The following SFXN2 variants were observed in gnomAD, a reference collection of about 807,000 sequenced individuals.
SFXN2 encodes the protein sideroflexin 2.
SFXN2 carries 37 observed loss-of-function variants against 41.9 expected under a neutral mutation model. The observed-to-expected ratio is 0.88, with a 90% confidence interval of 0.68 to 1.16. SFXN2 has a LOEUF of 1.16. SFXN2 is among the 50% of genes most tolerant of loss of function. The pLI, the probability that SFXN2 is intolerant of heterozygous loss-of-function variation, is 0.00. For missense variants in SFXN2, 386 were observed against 425.2 expected (o/e 0.91, Z 0.81); for synonymous variants, 150 against 156.7 (o/e 0.96, Z 0.32).
At chr10:102,719,363 A>G (rs1418805628) in intron 1 of SFXN2, among the ~76,000 whole-genome samples, 1 of 151,482 alleles carries the variant, frequency 6.6e-6, no homozygotes, top group Non-Finnish European at 1.5e-5. Context: ...CTAGGATGAT[A>G]GGTGCCTGCC....
chr10:102,737,849 T>G lies in SFXN2; in HGVS notation c.*87T>G. The G allele has an allele frequency of 1.1e-6, 1 of 940,500 alleles. No homozygotes were observed. Among genetic ancestry groups the G allele is most frequent in the Admixed American group, 2.2e-5 (1 of 45,874 alleles). The allele number at this position is 940,500 out of a possible 1,614,324, so 58.3% of individuals were successfully genotyped here. Reference sequence around the variant, plus strand: ...GCACACTTGTGTCCTCCTTCCCCTTTGCCAACAAGGCCTGAAGGCCAGGGT... The same window carrying G: ...GCACACTTGTGTCCTCCTTCCCCTTGGCCAACAAGGCCTGAAGGCCAGGGT... On this transcript the variant is annotated 3_prime_UTR_variant, in exon 12 of 12. Transcript: ENST00000369893.
Position 102,739,985 on chromosome 10 carries a change from ACT to A in SFXN2, c.*2226_*2227del, listed in dbSNP as rs1222448677. 6.6e-6 allele frequency: 1 copy of A among 151,676 alleles called. No individual in the cohort carries two copies. The highest frequency in any genetic ancestry group is 1.5e-5 in the Non-Finnish European group (1 of 67,958). 9.4% of individuals were successfully genotyped at this position (151,676 alleles called of 1,614,324 possible). ...GCAGGATCCATTGCCAGATTCTGTC[ACT>A]CTGGGCTGGAGCCTGAGAACGTGCA... On this transcript the variant is annotated 3_prime_UTR_variant, in exon 12 of 12. Coordinates refer to ENST00000369893, the MANE Select transcript of SFXN2 (RefSeq NM_178858.6).
intron 11 of SFXN2, among the ~76,000 whole-genome samples, chr10:102,736,527 C>G (rs1055377758): frequency 5.9e-5 from 9 of 151,776 alleles, no homozygotes; most frequent in Admixed American, 5.9e-4. Flanking sequence ...AACGATTCTC[C>G]TGCCTCAGCC....
At position 102,738,637 on chromosome 10, in the gene SFXN2, C is replaced by T. The variant is rs1590158798; in HGVS notation, c.*875C>T. The T allele has an allele frequency of 6.6e-6, 1 of 152,136 alleles. No homozygotes were observed. The highest frequency in any genetic ancestry group is 1.9e-4 in the East Asian group (1 of 5,196). The allele number at this position is 152,136 out of a possible 1,614,324, so 9.4% of individuals were successfully genotyped here. A position where few individuals can be genotyped will look rare whatever the true frequency, so the allele number is the denominator to read the frequency against. On this transcript the variant is annotated 3_prime_UTR_variant, in exon 12 of 12. Transcript: ENST00000369893. ...GGAGTGCTGCTAACCTTGAAATTATCAGACACTTAGGAGTTATTAGTGCTA... is the reference window on the plus strand; with the variant it reads ...GGAGTGCTGCTAACCTTGAAATTATTAGACACTTAGGAGTTATTAGTGCTA...
Position 102,729,759 on chromosome 10 carries a change from G to A in SFXN2, c.544G>A (p.Ala182Thr), listed in dbSNP as rs1422465516. Residue 182 changes from alanine (A) to threonine (T), a missense_variant, in exon 6 of 12, where the codon GCC becomes ACC. Coordinates refer to ENST00000369893, the MANE Select transcript of SFXN2 (RefSeq NM_178858.6). Reference protein sequence around the residue: ...PPLVGRWVPFAAVAAANCVNI... With the variant: ...PPLVGRWVPFTAVAAANCVNI... ...CTTGGTGGGCCGCTGGGTGCCCTTT[G>A]CCGCTGTGGCTGCGGCTAACTGTGT... is the stretch of plus-strand genomic sequence containing the variant. The A allele has an allele frequency of 1.2e-6, 2 of 1,614,062 alleles. No homozygotes were observed. The highest frequency in any genetic ancestry group is 8.5e-7 in the Non-Finnish European group (1 of 1,180,044).
At chr10:102,736,101 G>C (rs1388298273) in intron 11 of SFXN2, among the ~76,000 whole-genome samples, 192 bp downstream of exon 11, 1 of 152,176 alleles carries the variant, frequency 6.6e-6, no homozygotes, top group Non-Finnish European at 1.5e-5. Flanking sequence ...AGATCTGCGA[G>C]GGGCAGGAGA....
chr10:102,725,857 G>A (rs1009044444), intron 1 of SFXN2, among the ~76,000 whole-genome samples: 3 of 151,888 alleles, frequency 2.0e-5, no homozygotes, highest in African/African-American at 7.3e-5. Flanking sequence ...CTGGGTGAGA[G>A]AATGAGACCC....
Position 102,726,653 on chromosome 10 carries a change from C to T in SFXN2, c.17C>T (p.Ser6Phe), listed in dbSNP as rs879115141. The change falls in exon 2 of 12, where the codon TCT becomes TTT. Residue 6 changes from serine (S) to phenylalanine (F), a missense_variant. By Grantham distance (155) the Ser-to-Phe change is radical. Transcript: ENST00000369893. The part of the protein sequence containing the change: MEADL[S>F]GFNIDAPRWD... ...GTGAGCAAGATGGAGGCTGACCTGTCTGGCTTTAACATCGATGCCCCCCGT... is the reference window on the plus strand; with the variant it reads ...GTGAGCAAGATGGAGGCTGACCTGTTTGGCTTTAACATCGATGCCCCCCGT... The T allele has an allele frequency of 1.9e-6, 3 of 1,614,198 alleles. No individual in the cohort carries two copies. The highest frequency in any genetic ancestry group is 2.7e-5 in the African/African-American group (2 of 75,050).
chr10:102,729,573 T>C (rs2064668380), intron 5 of SFXN2, 150 bp from the exon 6 acceptor site: 2 of 1,102,422 alleles, frequency 1.8e-6, no homozygotes, highest in Admixed American at 2.3e-5. Flanking sequence ...TCTTGGGCCT[T>C]TGAGGGAGTT....
chr10:102,720,059 G>T (rs1305478140), intron 1 of SFXN2, among the ~76,000 whole-genome samples: 1 of 152,112 alleles, frequency 6.6e-6, no homozygotes, highest in Non-Finnish European at 1.5e-5. Context: ...GGAGGCCGAC[G>T]CGGGTAATGG....
chr10:102,729,588 G>T (rs1590149428), intron 5 of SFXN2, 135 bp from the exon 6 acceptor site: 1 of 1,136,932 alleles, frequency 8.8e-7, no homozygotes, highest in South Asian at 1.4e-5. Flanking sequence ...GGAGTTTGGG[G>T]TTCCCAGACT....
Position 102,726,693 on chromosome 10 carries a change from C to T in SFXN2, c.57C>T (p.Thr19=). Residue 19 remains threonine (T), a synonymous_variant, in exon 2 of 12, where the codon ACC becomes ACT. Transcript: ENST00000369893. ...ATGCCCCCCGTTGGGACCAGCGCAC[C>T]TTCCTGGGGAGAGTGAAGCACTTCC... ...NIDAPRWDQR[T]FLGRVKHFLN... is the part of the protein sequence containing the mutation. 6.2e-7 allele frequency: 1 copy of T among 1,614,218 alleles called. No individual in the cohort carries two copies. Among genetic ancestry groups the T allele is most frequent in the East Asian group, 2.2e-5 (1 of 44,894 alleles).
At chr10:102,728,587 G>A (rs989813201) in intron 4 of SFXN2, 58 bp downstream of exon 4, 2 of 1,489,812 alleles carry the variant, frequency 1.3e-6, no homozygotes, top group Middle Eastern at 1.7e-4. Context: ...CTTTTCTAAA[G>A]GGTTCTGGGC....
intron 1 of SFXN2, among the ~76,000 whole-genome samples, chr10:102,726,171 A>C (rs1035723002): frequency 2.0e-5 from 3 of 152,116 alleles, no homozygotes; most frequent in Non-Finnish European, 4.4e-5. Flanking sequence ...GCTGGTCTCA[A>C]ACTCCTGACC....
rs1234504653 is a variant in SFXN2 at position 102,729,410 on chromosome 10, G to T, written c.507+16G>T. ...GTTGACAAAGGTATGGTCTGGGGCC[G>T]CTGCAGCATGGTGGCCACGCGGGGG... is the stretch of plus-strand genomic sequence containing the variant. On this transcript the variant is annotated intron_variant, in intron 5 of 11. Transcript: ENST00000369893. 43 of 1,613,106 alleles carry T rather than the reference G, an allele frequency of 2.7e-5. No homozygotes were observed. The highest frequency in any genetic ancestry group is 3.6e-5 in the Non-Finnish European group (42 of 1,179,458).
chr10:102,733,483 G>C lies in SFXN2; in HGVS notation c.772-71G>C, dbSNP rs2064732262. The C allele has an allele frequency of 3.9e-6, 5 of 1,297,558 alleles. No homozygotes were observed. In the Admixed American group the frequency reaches 8.7e-5, roughly 22 times the overall value. The allele number at this position is 1,297,558 out of a possible 1,614,324, so 80.4% of individuals were successfully genotyped here. A position where few individuals can be genotyped will look rare whatever the true frequency, so the allele number is the denominator to read the frequency against. ...TTTTCTAGCTGGCTGATCCATGGCAGAGCAGGGTTGGGGTTCACCTTAAGG... is the reference window on the plus strand; with the variant it reads ...TTTTCTAGCTGGCTGATCCATGGCACAGCAGGGTTGGGGTTCACCTTAAGG... On this transcript the variant is annotated intron_variant, in intron 9 of 11. Coordinates refer to ENST00000369893, the MANE Select transcript of SFXN2 (RefSeq NM_178858.6).
chr10:102,728,393 G>C (rs1348037077), intron 3 of SFXN2, 38 bp from the exon 4 acceptor site: 7 of 1,580,626 alleles, frequency 4.4e-6, no homozygotes, highest in Non-Finnish European at 8.7e-7. Flanking sequence ...CCTGCCATCT[G>C]ACTTCTCTCT....
chr10:102,715,716 G>A (rs1055032752), intron 1 of SFXN2, among the ~76,000 whole-genome samples: 1 of 152,100 alleles, frequency 6.6e-6, no homozygotes, highest in Non-Finnish European at 1.5e-5. Context: ...GAGGTGGAAG[G>A]GGAGGAAGGC....
rs1421994710 is a variant in SFXN2 at position 102,741,908 on chromosome 10, T to C, written c.*4146T>C. On this transcript the variant is annotated 3_prime_UTR_variant, in exon 12 of 12. Transcript: ENST00000369893. ...ATTGGCAAAAATACGTGTCACTTTT[T>C]ATAGTACTTGGAAAAGCAGGATCAA... is the stretch of plus-strand genomic sequence containing the variant. The C allele has an allele frequency of 6.6e-6, 1 of 152,246 alleles. No homozygotes were observed. Among genetic ancestry groups the C allele is most frequent in the Non-Finnish European group, 1.5e-5 (1 of 68,056 alleles). The allele number at this position is 152,246 out of a possible 1,614,324, so 9.4% of individuals were successfully genotyped here.
Sources: allele counts gnomAD v4.1 joint callset (sites outside exome capture counted in the v4.1 genomes callset), GRCh38; gene constraint gnomAD v4.1.1; transcripts MANE v1.5; gene names NCBI Gene and HGNC (gene_info 2026-07-23, HGNC 2026-07-21).